Variants in RGS22 observed in about 807,000 individuals in gnomAD.
The protein encoded by RGS22 is regulator of G protein signaling 22, also known as regulator of G-protein signaling 22.
Under a neutral mutation model 172.9 loss-of-function variants are expected in RGS22, and 148 were observed. The observed-to-expected ratio is 0.86, with a 90% confidence interval of 0.75 to 0.98. The LOEUF (loss-of-function observed/expected upper bound fraction) is 0.98, where lower values mean the gene tolerates loss of function less well. Ranked by LOEUF, RGS22 falls within the 50% of genes least tolerant of loss-of-function variation. RGS22 has a pLI of 0.00. For synonymous variants in RGS22, 458 were observed against 480.2 expected (o/e 0.95, Z 0.60); for missense variants, 1,347 against 1,440.8 (o/e 0.93, Z 1.05).
chr8:100,086,647 T>A (rs1812183624), intron 3 of RGS22, among the ~76,000 whole-genome samples: 4 of 151,916 alleles, frequency 2.6e-5, no homozygotes, highest in Admixed American at 2.6e-4. Flanking sequence ...ATCCTAAGGC[T>A]CAGCATGACG....
chr8:100,038,048 T>C (rs912342893), intron 14 of RGS22, among the ~76,000 whole-genome samples: 1 of 152,092 alleles, frequency 6.6e-6, no homozygotes, highest in Admixed American at 6.5e-5. Flanking sequence ...TATAAGATAA[T>C]AAATAAAATG....
At chr8:100,079,310 G>T (rs536974085) in intron 4 of RGS22, among the ~76,000 whole-genome samples, 5 of 152,270 alleles carry the variant, frequency 3.3e-5, no homozygotes, top group African/African-American at 1.2e-4. Context: ...CATTTAGTTT[G>T]ATGAAAGTTA....
intron 2 of RGS22, among the ~76,000 whole-genome samples, chr8:100,104,301 A>G (rs1049300947): frequency 7.9e-5 from 12 of 151,490 alleles, no homozygotes; most frequent in African/African-American, 2.7e-4. Flanking sequence ...CCTGGGTGAC[A>G]GAGAGAGACC....
Position 100,062,582 on chromosome 8 carries a change from T to C in RGS22, c.1514+9A>G. Reference sequence around the variant, plus strand: ...AGTGAAAGTAAGTAACTGATTCATGTTTTCTTACCAATACAGAAGTAAAGG... The same window carrying C: ...AGTGAAAGTAAGTAACTGATTCATGCTTTCTTACCAATACAGAAGTAAAGG... On this transcript the variant is annotated intron_variant, in intron 9 of 27. Transcript: ENST00000360863. 6.4e-7 allele frequency: 1 copy of C among 1,559,458 alleles called. No homozygotes were observed. The highest frequency in any genetic ancestry group is 8.8e-7 in the Non-Finnish European group (1 of 1,142,352).
At position 99,990,489 on chromosome 8, in the gene RGS22, C is replaced by T. The variant is rs117891046; in HGVS notation, c.3019-2870G>A. On this transcript the variant is annotated intron_variant, in intron 20 of 27. Coordinates refer to ENST00000360863, the MANE Select transcript of RGS22 (RefSeq NM_015668.5). ...GACAAGAACCCAGTCTTTAGCTGAA[C>T]GAAGGAAAAGTCCTGCAACATTCTT... Among the ~76,000 whole-genome samples, 518 of 152,198 alleles carry T rather than the reference C, an allele frequency of 3.4e-3. 14 individuals carry two copies. The East Asian group carries it at 0.071, about 21-fold the overall frequency.
At chr8:100,050,643 C>T (rs548084263) in intron 10 of RGS22, among the ~76,000 whole-genome samples, 1 of 152,292 alleles carries the variant, frequency 6.6e-6, no homozygotes, top group African/African-American at 2.4e-5. Context: ...AGGCTCTTTA[C>T]TTCTGAAACA....
chr8:100,083,830 C>CTTTTT lies in RGS22; in HGVS notation c.118-3480_118-3476dup, dbSNP rs59603032. The stretch of plus-strand genomic sequence containing the variant: ...TAGAACTGACCGCGTAATTTCTTTT[C>CTTTTT]TTTTTTTTTTTTTTTTTTGTTTTTT... On this transcript the variant is annotated intron_variant, in intron 3 of 27. Coordinates refer to ENST00000360863, the MANE Select transcript of RGS22 (RefSeq NM_015668.5). 4.7e-3 allele frequency among the ~76,000 whole-genome samples: 586 copies of CTTTTT among 125,386 alleles called. 2 individuals are homozygous for CTTTTT. The highest frequency in any genetic ancestry group is 6.7e-3 in the East Asian group (29 of 4,326). The allele number at this position is 125,386 out of a possible 152,430, so 82.3% of individuals were successfully genotyped here.
At chr8:100,036,370 C>T (rs1202621579) in intron 14 of RGS22, among the ~76,000 whole-genome samples, 1 of 152,046 alleles carries the variant, frequency 6.6e-6, no homozygotes, top group Non-Finnish European at 1.5e-5. Flanking sequence ...CAGGGTGTAC[C>T]CAAGACAGTA....
At chr8:100,005,932 C>T in intron 16 of RGS22, 85 bp downstream of exon 16, 1 of 915,118 alleles carries the variant, frequency 1.1e-6, no homozygotes, top group Admixed American at 2.2e-5. Flanking sequence ...TCTCGTCACT[C>T]TACAATCTCC....
intron 14 of RGS22, 78 bp downstream of exon 14, chr8:100,038,853 T>C (rs1819788664): frequency 1.3e-6 from 1 of 790,958 alleles, no homozygotes; most frequent in African/African-American, 1.8e-5. Context: ...CCCAGATTTC[T>C]CGTTTGGGAC....
At chr8:100,083,830 C>CTTTTTTTTTTTTTTTTTT (rs59603032) in intron 3 of RGS22, among the ~76,000 whole-genome samples, 16 of 126,012 alleles carry the variant, frequency 1.3e-4, no homozygotes, top group African/African-American at 2.2e-4. Flanking sequence ...AATTTCTTTT[C>CTTTTTTTTTTTTTTTTTT]TTTTTTTTTT....
At chr8:100,102,540 T>C (rs1813580657) in intron 2 of RGS22, among the ~76,000 whole-genome samples, 1 of 152,234 alleles carries the variant, frequency 6.6e-6, no homozygotes, top group African/African-American at 2.4e-5. Context: ...TGGTTGAGCA[T>C]ATGAATTTGA....
At chr8:99,972,670 A>G (rs185521765) in intron 23 of RGS22, among the ~76,000 whole-genome samples, 1 of 152,350 alleles carries the variant, frequency 6.6e-6, no homozygotes, top group East Asian at 1.9e-4. Flanking sequence ...AACACTGGTC[A>G]TTAGAGAAAT....
chr8:100,038,133 T>C (rs1819699063), intron 14 of RGS22, among the ~76,000 whole-genome samples: 1 of 152,210 alleles, frequency 6.6e-6, no homozygotes, highest in Non-Finnish European at 1.5e-5. Context: ...TAAGAATCAC[T>C]TAAGTGGTGA....
chr8:100,046,902 C>T (rs930167339), intron 11 of RGS22, among the ~76,000 whole-genome samples: 1 of 151,866 alleles, frequency 6.6e-6, no homozygotes, highest in Non-Finnish European at 1.5e-5. Context: ...TGCAACTCTG[C>T]CTCCCGGGTT....
At chr8:100,044,201 G>T (rs991268803) in intron 11 of RGS22, among the ~76,000 whole-genome samples, 2 of 152,128 alleles carry the variant, frequency 1.3e-5, no homozygotes, top group African/African-American at 4.8e-5. Context: ...AAATTAGAAG[G>T]GGAGGGGACA....
At chr8:100,029,329 T>C (rs1818513894) in intron 14 of RGS22, among the ~76,000 whole-genome samples, 1 of 152,164 alleles carries the variant, frequency 6.6e-6, no homozygotes, top group Non-Finnish European at 1.5e-5. Context: ...AATTTTGTGA[T>C]AATACTGTTA....
At position 99,982,064 on chromosome 8, in the gene RGS22, G is replaced by T; in HGVS notation, c.3233C>A (p.Thr1078Asn). ...DESVIQKKIT[T>N]IINCFINSSI... Reference sequence around the variant, plus strand: ...GGAATTAATAAAGCAGTTGATAATAGTTGTAATCTTCTTCTGGATGACAGA... The same window carrying T: ...GGAATTAATAAAGCAGTTGATAATATTTGTAATCTTCTTCTGGATGACAGA... The change falls in exon 22 of 28, where the codon ACT becomes AAT. Residue 1078 changes from threonine to asparagine, a missense_variant. By Grantham distance (65) the Thr-to-Asn change is moderately conservative. Coordinates refer to ENST00000360863, the MANE Select transcript of RGS22 (RefSeq NM_015668.5). The T allele has an allele frequency of 6.2e-7, 1 of 1,613,774 alleles. No homozygotes were observed. The highest frequency in any genetic ancestry group is 1.1e-5 in the South Asian group (1 of 91,042).
intron 9 of RGS22, among the ~76,000 whole-genome samples, chr8:100,057,840 G>GA (rs1004263283): frequency 6.6e-6 from 1 of 151,892 alleles, no homozygotes; most frequent in Non-Finnish European, 1.5e-5. Context: ...CATCATCCAG[G>GA]AAAAAACAAC....
Sources: gnomAD v4.1 joint callset for allele counts (sites outside exome capture counted in the v4.1 genomes callset) on GRCh38, gnomAD v4.1.1 for gene constraint, MANE v1.5 for transcripts, NCBI Gene and HGNC (gene_info 2026-07-23, HGNC 2026-07-21) for gene names.